SNTG1: variants seen among roughly 807,000 people sequenced by gnomAD.
The protein encoded by SNTG1 is syntrophin gamma 1.
Under a neutral mutation model 74.7 loss-of-function variants are expected in SNTG1, and 39 were observed. That is an observed-to-expected ratio of 0.52 (90% CI 0.40 to 0.68). The LOEUF (loss-of-function observed/expected upper bound fraction) is 0.68. SNTG1 is among the 30% of genes least tolerant of loss of function. SNTG1 has a pLI of 0.00. For synonymous variants in SNTG1, 254 were observed against 217.1 expected, an observed-to-expected ratio of 1.17 and a Z score of -1.49; for missense variants, 685 against 609.5, an observed-to-expected ratio of 1.12 and a Z score of -1.30.
At chr8:50,759,448 T>C (rs934384904) in intron 18 of SNTG1, among the ~76,000 whole-genome samples, 3 of 151,824 alleles carry the variant, frequency 2.0e-5, no homozygotes, top group Non-Finnish European at 2.9e-5. Flanking sequence ...TTTAGGTCTT[T>C]GTTTAAATCT....
chr8:50,080,589 T>G (rs1301031941), intron 1 of SNTG1, among the ~76,000 whole-genome samples: 1 of 152,066 alleles, frequency 6.6e-6, no homozygotes. Context: ...TTTTAATTTC[T>G]GTTTATTTTT....
intron 18 of SNTG1, among the ~76,000 whole-genome samples, 173 bp from the exon 19 acceptor site, chr8:50,792,498 A>G (rs1264575530): frequency 2.0e-5 from 3 of 151,888 alleles, no homozygotes; most frequent in Non-Finnish European, 4.4e-5. Flanking sequence ...AATTTTCACT[A>G]CTTACGATGT....
intron 6 of SNTG1, among the ~76,000 whole-genome samples, chr8:50,450,182 G>A (rs2093442913): frequency 6.6e-6 from 1 of 152,142 alleles, no homozygotes; most frequent in Non-Finnish European, 1.5e-5. Flanking sequence ...ACAATGTAAT[G>A]TTTAAAAATG....
At chr8:50,548,953 C>T (rs2128001) in intron 11 of SNTG1, among the ~76,000 whole-genome samples, 2 of 151,956 alleles carry the variant, frequency 1.3e-5, no homozygotes, top group African/African-American at 2.4e-5. Context: ...AGAGGAACTG[C>T]GGGTCAGAGA....
intron 9 of SNTG1, 146 bp from the exon 10 acceptor site, chr8:50,530,031 G>A (rs2094253963): frequency 3.0e-6 from 2 of 665,262 alleles, no homozygotes; most frequent in South Asian, 2.0e-5. Context: ...GCAAAACTCT[G>A]GCTTTAGTAT....
At chr8:50,314,827 A>C (rs59797774) in intron 2 of SNTG1, among the ~76,000 whole-genome samples, 19,990 of 149,482 alleles carry the variant, frequency 0.13, 1,994 homozygotes, top group Middle Eastern at 0.16. Context: ...CCAACTCTGC[A>C]TTTGGCTTAT....
chr8:50,205,269 G>A (rs958369614), intron 2 of SNTG1, among the ~76,000 whole-genome samples: 2 of 152,144 alleles, frequency 1.3e-5, no homozygotes, highest in South Asian at 4.1e-4. Flanking sequence ...ATTCTAACTG[G>A]TGTGTGATGG....
At chr8:50,462,862 GCT>G (rs1344097077) in intron 8 of SNTG1, among the ~76,000 whole-genome samples, 4 of 116,590 alleles carry the variant, frequency 3.4e-5, no homozygotes, top group Non-Finnish European at 6.5e-5. Flanking sequence ...GTGTTGCCAG[GCT>G]GGAGTGCAAT....
chr8:50,338,706 C>T (rs946191579), intron 2 of SNTG1, among the ~76,000 whole-genome samples: 4 of 151,790 alleles, frequency 2.6e-5, no homozygotes, highest in Admixed American at 6.6e-5. Flanking sequence ...CTTGAAGATA[C>T]GTCTATGGAA....
chr8:50,363,921 G>A (rs965131910), intron 2 of SNTG1, among the ~76,000 whole-genome samples: 1 of 152,044 alleles, frequency 6.6e-6, no homozygotes, highest in Non-Finnish European at 1.5e-5. Context: ...AACATAAAAG[G>A]GTGCAACTCA....
At chr8:50,582,651 G>GA (rs2094618304) in intron 12 of SNTG1, among the ~76,000 whole-genome samples, 1 of 151,718 alleles carries the variant, frequency 6.6e-6, no homozygotes, top group South Asian at 2.1e-4. Context: ...TACAATTCTA[G>GA]AAAAAAACAG....
intron 1 of SNTG1, among the ~76,000 whole-genome samples, chr8:50,093,447 C>A (rs1186854839): frequency 6.6e-6 from 1 of 152,070 alleles, no homozygotes; most frequent in African/African-American, 2.4e-5. Context: ...AAAGGGCTGG[C>A]ATACTCACCA....
At chr8:49,942,051 C>A (rs1229874059) in intron 1 of SNTG1, among the ~76,000 whole-genome samples, 1 of 152,066 alleles carries the variant, frequency 6.6e-6, no homozygotes, top group Non-Finnish European at 1.5e-5. Context: ...CTCAAAAAGA[C>A]AAAAGGGAGG....
At chr8:50,298,581 T>C (rs2089497940) in intron 2 of SNTG1, among the ~76,000 whole-genome samples, 1 of 152,202 alleles carries the variant, frequency 6.6e-6, no homozygotes, top group African/African-American at 2.4e-5. Context: ...AAGTAATAAG[T>C]GGTCTGTCTC....
chr8:50,399,254 A>AAG (rs2092769762), intron 3 of SNTG1, among the ~76,000 whole-genome samples: 3 of 151,450 alleles, frequency 2.0e-5, no homozygotes, highest in Admixed American at 2.0e-4. Context: ...TCTAAAAAAA[A>AAG]TCCTTCTCAT....
At chr8:50,600,765 TTTTA>T (rs1196304601) in intron 13 of SNTG1, among the ~76,000 whole-genome samples, 1 of 152,082 alleles carries the variant, frequency 6.6e-6, no homozygotes, top group Admixed American at 6.6e-5. Flanking sequence ...TTTTGTATTG[TTTTA>T]TTTGTTTATT....
rs1411666462 is a variant in SNTG1, at chr8:50,697,612, T to C, written c.1039-6988T>C. ...TGAGGTATGTTCCTTCTATGCTTCA[T>C]TTGTTGAGGGTTTTGAGCTTGTGCT... is the stretch of plus-strand genomic sequence containing the variant. On this transcript the variant is annotated intron_variant, in intron 15 of 18. Transcript: ENST00000642720. Among the ~76,000 whole-genome samples, 11 of 152,300 alleles carry C rather than the reference T, an allele frequency of 7.2e-5. No homozygotes were observed. In the East Asian group the frequency reaches 7.7e-4, roughly 11 times the overall value.
chr8:49,978,564 G>A (rs1812395331), intron 1 of SNTG1, among the ~76,000 whole-genome samples: 1 of 152,036 alleles, frequency 6.6e-6, no homozygotes, highest in African/African-American at 2.4e-5. Flanking sequence ...GGCTTGTTTT[G>A]ATTTTTTGAA....
intron 1 of SNTG1, among the ~76,000 whole-genome samples, chr8:50,016,968 G>T (rs1034114781): frequency 1.3e-5 from 2 of 151,960 alleles, no homozygotes; most frequent in African/African-American, 4.8e-5. Context: ...GGCAGAAAAG[G>T]GCTGTCAACT....
Sources: allele counts gnomAD v4.1 joint callset (sites outside exome capture counted in the v4.1 genomes callset), GRCh38; gene constraint gnomAD v4.1.1; transcripts MANE v1.5; gene names NCBI Gene and HGNC (gene_info 2026-07-23, HGNC 2026-07-21).